IL1RAPL1: variants seen among roughly 807,000 people sequenced by gnomAD.
IL1RAPL1 encodes interleukin 1 receptor accessory protein like 1, also known as interleukin-1 receptor accessory protein-like 1.
In IL1RAPL1, 3 loss-of-function variants were observed where a neutral mutation model predicts 48.4. The observed-to-expected ratio is 0.06, with a 90% CI of 0.03 to 0.16. The LOEUF (loss-of-function observed/expected upper bound fraction) is 0.16, where lower values mean the gene tolerates loss of function less well. Among genes scored for constraint, IL1RAPL1 ranks in the 10% least tolerant of loss-of-function variants. IL1RAPL1 has a pLI of 1.00. For missense variants in IL1RAPL1, 349 were observed against 530.6 expected (o/e 0.66, Z 3.36); for synonymous variants, 185 against 187.7 (o/e 0.99, Z 0.12).
chrX:29,791,878 G>A (rs1929646241), intron 6 of IL1RAPL1, among the ~76,000 whole-genome samples: 1 of 108,815 alleles, frequency 9.2e-6, no homozygotes. Flanking sequence ...CTACAGGCAC[G>A]CACCAATACG....
chrX:29,166,190 T>C (rs1423918928), intron 2 of IL1RAPL1, among the ~76,000 whole-genome samples: 2 of 112,455 alleles, frequency 1.8e-5, no homozygotes, highest in Non-Finnish European at 3.8e-5. Context: ...GTCAGATGTA[T>C]GTAGAATATA....
At position 29,937,343 on chromosome X, in the gene IL1RAPL1, GGGAAAATGACA is replaced by G. The variant is rs1167001337; in HGVS notation, c.1058-4307_1058-4297del. On this transcript the variant is annotated intron_variant, in intron 8 of 10. Coordinates refer to ENST00000378993, the MANE Select transcript of IL1RAPL1 (RefSeq NM_014271.4). Reference sequence around the variant, plus strand: ...GCTGAAAAGTAGATCCCATTTCAAAGGGAAAATGACATTTGCTGGGGCAACACCATTTACAT... The same window carrying G: ...GCTGAAAAGTAGATCCCATTTCAAAGTTTGCTGGGGCAACACCATTTACAT... 4.5e-5 allele frequency among the ~76,000 whole-genome samples: 5 copies of G among 112,156 alleles called. No homozygotes were observed. In the East Asian group the frequency reaches 1.4e-3, roughly 31 times the overall value.
intron 5 of IL1RAPL1, among the ~76,000 whole-genome samples, chrX:29,487,808 T>C (rs139672787): frequency 0.023 from 2,602 of 112,022 alleles, 85 homozygotes; most frequent in African/African-American, 0.081. Context: ...ATGTAGCTCA[T>C]TGAGTGGGGC....
At chrX:28,933,326 C>G (rs1923934706) in intron 2 of IL1RAPL1, among the ~76,000 whole-genome samples, 1 of 111,424 alleles carries the variant, frequency 9.0e-6, no homozygotes, top group Non-Finnish European at 1.9e-5. Context: ...CAGTGGCCAT[C>G]ATGATATCTA....
intron 1 of IL1RAPL1, among the ~76,000 whole-genome samples, chrX:28,719,435 T>G (rs918483106): frequency 9.0e-6 from 1 of 111,091 alleles, no homozygotes; most frequent in Non-Finnish European, 1.9e-5. Context: ...GGGCATAGGT[T>G]TCAAGTGTAG....
intron 2 of IL1RAPL1, among the ~76,000 whole-genome samples, chrX:29,027,749 T>C (rs1379406379): frequency 1.8e-5 from 2 of 111,754 alleles, no homozygotes; most frequent in African/African-American, 6.5e-5. Context: ...TGTGTAGTGC[T>C]ATCTCCTTGT....
intron 2 of IL1RAPL1, among the ~76,000 whole-genome samples, chrX:29,272,533 C>T (rs1179306768): frequency 9.0e-6 from 1 of 111,376 alleles, no homozygotes; most frequent in Non-Finnish European, 1.9e-5. Flanking sequence ...CTGTTAGCCT[C>T]ACGGGGTTCC....
intron 5 of IL1RAPL1, among the ~76,000 whole-genome samples, chrX:29,620,766 G>T (rs899964450): frequency 2.7e-5 from 3 of 111,664 alleles, no homozygotes; most frequent in Non-Finnish European, 5.7e-5. Context: ...TGCCTGGAGA[G>T]AAAAAATATT....
At chrX:28,947,662 TAACA>T (rs1924342952) in intron 2 of IL1RAPL1, among the ~76,000 whole-genome samples, 1 of 111,491 alleles carries the variant, frequency 9.0e-6, no homozygotes, top group Admixed American at 9.5e-5. Context: ...TGTACGTATG[TAACA>T]AACCTGCACG....
At chrX:29,879,548 A>T (rs1316500499) in intron 6 of IL1RAPL1, among the ~76,000 whole-genome samples, 2 of 109,992 alleles carry the variant, frequency 1.8e-5, no homozygotes, top group Non-Finnish European at 3.8e-5. Context: ...ATTGTTCCTT[A>T]TAAATCTATA....
intron 2 of IL1RAPL1, among the ~76,000 whole-genome samples, chrX:29,190,192 A>G (rs1162483520): frequency 8.9e-6 from 1 of 112,390 alleles, no homozygotes; most frequent in Non-Finnish European, 1.9e-5. Context: ...GGTAATTATT[A>G]GTACTATTGC....
chrX:29,205,442 T>C (rs937967981), intron 2 of IL1RAPL1, among the ~76,000 whole-genome samples: 5 of 111,439 alleles, frequency 4.5e-5, no homozygotes, highest in Non-Finnish European at 9.4e-5. Context: ...ATATATATAT[T>C]GATGTTATAT....
At chrX:29,053,965 T>C (rs924425969) in intron 2 of IL1RAPL1, among the ~76,000 whole-genome samples, 7 of 112,059 alleles carry the variant, frequency 6.2e-5, no homozygotes, top group African/African-American at 2.3e-4. Flanking sequence ...GATTCATCCA[T>C]GTTGTTGCAA....
At chrX:29,298,637 A>G (rs1932485326) in intron 3 of IL1RAPL1, among the ~76,000 whole-genome samples, 1 of 111,471 alleles carries the variant, frequency 9.0e-6, no homozygotes, top group Non-Finnish European at 1.9e-5. Context: ...GATAGTCTAA[A>G]ATATTACTTT....
chrX:29,115,616 T>C lies in IL1RAPL1; in HGVS notation c.83-167322T>C, dbSNP rs186005659. On this transcript the variant is annotated intron_variant, in intron 2 of 10. Coordinates refer to ENST00000378993, the MANE Select transcript of IL1RAPL1 (RefSeq NM_014271.4). ...TCAAGTTTTCTGTTCTCGGTGTTTATATGTCTCTCTCTCCCTTATAAAAAG... is the reference window on the plus strand; with the variant it reads ...TCAAGTTTTCTGTTCTCGGTGTTTACATGTCTCTCTCTCCCTTATAAAAAG... 7.1e-4 allele frequency among the ~76,000 whole-genome samples: 79 copies of C among 110,680 alleles called. 1 individual carries two copies. Among genetic ancestry groups the C allele is most frequent in the African/African-American group, 2.3e-3 (69 of 30,540 alleles).
chrX:29,720,234 C>T (rs1927601354), intron 6 of IL1RAPL1, among the ~76,000 whole-genome samples: 1 of 111,269 alleles, frequency 9.0e-6, no homozygotes, highest in Non-Finnish European at 1.9e-5. Flanking sequence ...ACCATTTGAC[C>T]CAGCAATCCC....
At chrX:29,223,598 G>A (rs112542411) in intron 2 of IL1RAPL1, among the ~76,000 whole-genome samples, 42 of 106,432 alleles carry the variant, frequency 3.9e-4, no homozygotes, top group Non-Finnish European at 6.9e-4. Context: ...AGGCTGGAGT[G>A]CAATGGTGCG....
intron 2 of IL1RAPL1, among the ~76,000 whole-genome samples, chrX:28,797,245 T>C (rs1208681303): frequency 9.0e-6 from 1 of 111,442 alleles, no homozygotes. Flanking sequence ...CCTGGAGACA[T>C]TTTCCCCACT....
chrX:28,634,962 G>A (rs1386266469), intron 1 of IL1RAPL1, among the ~76,000 whole-genome samples: 17 of 85,348 alleles, frequency 2.0e-4, no homozygotes, highest in African/African-American at 7.0e-4. Flanking sequence ...AAGAGGCACC[G>A]AATGCCTTTT....
Sources: allele counts gnomAD v4.1 joint callset (sites outside exome capture counted in the v4.1 genomes callset), GRCh38; gene constraint gnomAD v4.1.1; transcripts MANE v1.5; gene names NCBI Gene and HGNC (gene_info 2026-07-23, HGNC 2026-07-21).